Variants in RCOR1 observed in about 807,000 individuals in gnomAD.
RCOR1 encodes the protein REST corepressor.
RCOR1 carries 12 observed loss-of-function variants against 64.0 expected under a neutral mutation model. The observed-to-expected ratio is 0.19, with a 90% CI of 0.12 to 0.30. The LOEUF is 0.30. Ranked by LOEUF, RCOR1 falls within the 10% of genes least tolerant of loss-of-function variation. The pLI is 1.00. For missense variants in RCOR1, 502 were observed against 621.2 expected (o/e 0.81, Z 2.04); for synonymous variants, 279 against 227.2 (o/e 1.23, Z -2.05).
At chr14:102,676,625 G>A (rs1187898425) in intron 2 of RCOR1, among the ~76,000 whole-genome samples, 1 of 88,046 alleles carries the variant, frequency 1.1e-5, no homozygotes. Flanking sequence ...GGCTGGCCAG[G>A]TGGGGGGCTG....
At chr14:102,723,133 CA>C (rs1896195101) in intron 11 of RCOR1, among the ~76,000 whole-genome samples, 1 of 152,226 alleles carries the variant, frequency 6.6e-6, no homozygotes, top group Non-Finnish European at 1.5e-5. Flanking sequence ...AGTTACTTGC[CA>C]ATCACTTTGC....
intron 6 of RCOR1, 68 bp from the exon 7 acceptor site, chr14:102,710,862 TAAATC>T: frequency 9.6e-7 from 1 of 1,037,118 alleles, no homozygotes. Flanking sequence ...AATTTTCAGT[TAAATC>T]AATTTATCGT....
chr14:102,715,477 G>T lies in RCOR1; in HGVS notation c.1053+860G>T, dbSNP rs141398269. Among the ~76,000 whole-genome samples, 182 of 152,120 alleles carry T rather than the reference G, an allele frequency of 1.2e-3. No individual in the cohort carries two copies. The East Asian group carries it at 0.022, about 18-fold the overall frequency. On this transcript the variant is annotated intron_variant, in intron 8 of 11. Coordinates refer to ENST00000262241, the MANE Select transcript of RCOR1 (RefSeq NM_015156.4). ...GCTCACTGTAACCTTTGCTTCCGGG[G>T]CTCAAATGATCCTCCCATCTCAGCC...
Position 102,615,383 on chromosome 14 carries a change from C to T in RCOR1, c.361+22058C>T, listed in dbSNP as rs568440385. ...TCTCGAACCCCTGGGCTCAAGCAATCCACCCATCGTGGCCTCCTGCAGTGC... is the reference window on the plus strand; with the variant it reads ...TCTCGAACCCCTGGGCTCAAGCAATTCACCCATCGTGGCCTCCTGCAGTGC... On this transcript the variant is annotated intron_variant, in intron 2 of 11. Transcript: ENST00000262241. Among the ~76,000 whole-genome samples the T allele has an allele frequency of 5.3e-5, 8 of 151,924 alleles. No homozygotes were observed. The South Asian group carries it at 1.7e-3, about 32-fold the overall frequency.
rs569164272 is a variant in RCOR1, at chr14:102,678,279, G to A, written c.362-3616G>A. 9.9e-5 allele frequency among the ~76,000 whole-genome samples: 15 copies of A among 152,230 alleles called. No homozygotes were observed. The South Asian group carries it at 3.1e-3, about 32-fold the overall frequency. The stretch of plus-strand genomic sequence containing the variant: ...GTTTTTGATGATTGTGAATAACGCT[G>A]CCTATGTGTGCAGGTGCTTTTTTTT... On this transcript the variant is annotated intron_variant, in intron 2 of 11. Coordinates refer to ENST00000262241, the MANE Select transcript of RCOR1 (RefSeq NM_015156.4).
chr14:102,599,139 C>CT lies in RCOR1; in HGVS notation c.361+5824dup, dbSNP rs796391039. 9.7e-3 allele frequency among the ~76,000 whole-genome samples: 1,427 copies of CT among 146,690 alleles called. 22 individuals are homozygous for CT. Among genetic ancestry groups the CT allele is most frequent in the African/African-American group, 0.033 (1,315 of 40,218 alleles). On this transcript the variant is annotated intron_variant, in intron 2 of 11. Coordinates refer to ENST00000262241, the MANE Select transcript of RCOR1 (RefSeq NM_015156.4). ...TAATGTTTTTCTTTCCTTTTTTTTC[C>CT]TTTTTTTTTTGAGATAGGGTCACAC...
Position 102,675,698 on chromosome 14 carries a change from C to T in RCOR1, c.362-6197C>T, listed in dbSNP as rs77739045. Among the ~76,000 whole-genome samples, 1,227 of 152,312 alleles carry T rather than the reference C, an allele frequency of 8.1e-3. 9 individuals are homozygous for T. The highest frequency in any genetic ancestry group is 0.012 in the Non-Finnish European group (843 of 68,026). ...AGAAAGCAAATTCCAATGCGGGGCA[C>T]CACTGGAGTTTCATATACCACCACC... On this transcript the variant is annotated intron_variant, in intron 2 of 11. Coordinates refer to ENST00000262241, the MANE Select transcript of RCOR1 (RefSeq NM_015156.4).
chr14:102,670,339 T>C (rs1895006738), intron 2 of RCOR1, among the ~76,000 whole-genome samples: 2 of 152,308 alleles, frequency 1.3e-5, no homozygotes, highest in South Asian at 4.1e-4. Flanking sequence ...CCTTTTTATA[T>C]AGGTATTAGA....
intron 2 of RCOR1, among the ~76,000 whole-genome samples, chr14:102,611,514 A>G (rs1893636267): frequency 6.6e-6 from 1 of 151,770 alleles, no homozygotes. Flanking sequence ...TGATTTTTGG[A>G]TGCCAGACAT....
rs756912529 is a variant in RCOR1, at chr14:102,707,386, C to T, written c.534C>T (p.Ile178=). The change falls in exon 5 of 12, where the codon ATC becomes ATT. Residue 178 remains isoleucine (I), a synonymous_variant. Coordinates refer to ENST00000262241, the MANE Select transcript of RCOR1 (RefSeq NM_015156.4). ...TGCTCTTCTGGCATAAACATAATATCGAAAAGTCATTGGCTGATTTGCCCA... is the reference window on the plus strand; with the variant it reads ...TGCTCTTCTGGCATAAACATAATATTGAAAAGTCATTGGCTGATTTGCCCA... ...LGMLFWHKHN[I]EKSLADLPNF... is the part of the protein sequence containing the mutation. 8.7e-6 allele frequency: 14 copies of T among 1,607,180 alleles called. No homozygotes were observed. Among genetic ancestry groups the T allele is most frequent in the Admixed American group, 8.4e-5 (5 of 59,520 alleles).
In RCOR1 at chr14:102,593,104, T is replaced by TGGC. The variant is rs764396767; in HGVS notation, c.229_231dup (p.Ala77dup). 6 of 1,500,736 alleles carry TGGC rather than the reference T, an allele frequency of 4.0e-6. No homozygotes were observed. Among genetic ancestry groups the TGGC allele is most frequent in the African/African-American group, 1.5e-5 (1 of 68,410 alleles). The allele number at this position is 1,500,736 out of a possible 1,614,324, so 93.0% of individuals were successfully genotyped here. On this transcript the variant is annotated inframe_insertion, in exon 1 of 12. Coordinates refer to ENST00000262241, the MANE Select transcript of RCOR1 (RefSeq NM_015156.4). ...CCCAATAATGGCCAGAATAAAAGTT[T>TGGC]GGCGGCGGCGGCGCCCAATGGCAAC... is the stretch of plus-strand genomic sequence containing the variant.
At chr14:102,685,016 A>G (rs1247572831) in intron 3 of RCOR1, among the ~76,000 whole-genome samples, 3 of 151,894 alleles carry the variant, frequency 2.0e-5, no homozygotes, top group African/African-American at 7.3e-5. Flanking sequence ...TTTCTAGCAG[A>G]TACTAAAAAA....
chr14:102,688,262 G>A (rs541620372), intron 3 of RCOR1, among the ~76,000 whole-genome samples: 4 of 152,238 alleles, frequency 2.6e-5, no homozygotes, highest in East Asian at 1.9e-4. Context: ...CACTGCGCCC[G>A]GCCAGCATTT....
chr14:102,726,050 TGGGCGTGGGGG>T (rs1362126614), intron 11 of RCOR1, among the ~76,000 whole-genome samples: 1 of 151,614 alleles, frequency 6.6e-6, no homozygotes, highest in East Asian at 2.0e-4. Flanking sequence ...CATGGTGGGC[TGGGCGTGGGGG>T]CCCACACATG....
intron 2 of RCOR1, among the ~76,000 whole-genome samples, chr14:102,607,236 T>C (rs1441795023): frequency 1.3e-5 from 2 of 152,072 alleles, no homozygotes. Flanking sequence ...CCCGGCTGAG[T>C]AGGCATTTTT....
intron 2 of RCOR1, chr14:102,659,132 C>T (rs1038460542): frequency 2.2e-5 from 22 of 985,196 alleles, no homozygotes; most frequent in African/African-American, 1.6e-4. Flanking sequence ...GTTATTCTAC[C>T]GACTTACTGG....
At chr14:102,673,423 G>A (rs1167928333) in intron 2 of RCOR1, among the ~76,000 whole-genome samples, 6 of 149,248 alleles carry the variant, frequency 4.0e-5, no homozygotes, top group Admixed American at 1.3e-4. Flanking sequence ...TGCAAGCTCC[G>A]TCTCCTGGGT....
Position 102,714,638 on chromosome 14 carries a change from G to T in RCOR1, c.1053+21G>T, listed in dbSNP as rs535814276. 2.1e-5 allele frequency: 33 copies of T among 1,544,164 alleles called. No individual in the cohort carries two copies. In the South Asian group the frequency reaches 3.5e-4, roughly 16 times the overall value. ...GACAGGTACTCATAAGCCTGGTCTT[G>T]GATGTAAAAGAATTAATTAGCACTT... On this transcript the variant is annotated intron_variant, in intron 8 of 11. Transcript: ENST00000262241.
chr14:102,593,397 G>A, intron 2 of RCOR1, 72 bp downstream of exon 2: 1 of 1,405,346 alleles, frequency 7.1e-7, no homozygotes. Context: ...GCCCGAGGGG[G>A]CGGGAGCCCG....
Sources: gnomAD v4.1 joint callset for allele counts (sites outside exome capture counted in the v4.1 genomes callset) on GRCh38, gnomAD v4.1.1 for gene constraint, MANE v1.5 for transcripts, NCBI Gene and HGNC (gene_info 2026-07-23, HGNC 2026-07-21) for gene names.